ARL17B: variants seen among roughly 807,000 people sequenced by gnomAD.
ARL17B encodes ARF like GTPase 17B, also known as ADP-ribosylation factor-like protein 17.
intron 4 of ARL17B, among the ~76,000 whole-genome samples, chr17:46,276,782 CT>C (rs1179503164): frequency 4.8e-5 from 7 of 145,734 alleles, no homozygotes; most frequent in South Asian, 2.2e-4. Flanking sequence ...TAATTTTTTT[CT>C]TTTTTTCTTT....
chr17:46,291,804 A>G (rs1270303654), intron 4 of ARL17B, among the ~76,000 whole-genome samples: 3 of 151,754 alleles, frequency 2.0e-5, no homozygotes, highest in Non-Finnish European at 4.4e-5. Context: ...AAACACCCCA[A>G]AATTAGCCAG....
At chr17:46,280,289 G>C (rs75811253) in intron 4 of ARL17B, among the ~76,000 whole-genome samples, 16,681 of 149,090 alleles carry the variant, frequency 0.11, no homozygotes, top group Non-Finnish European at 0.17. Flanking sequence ...GCTTGAACGC[G>C]GGAAGCGGAG....
chr17:46,307,920 G>A (rs2050623415), intron 3 of ARL17B, among the ~76,000 whole-genome samples: 1 of 76,218 alleles, frequency 1.3e-5, no homozygotes, highest in African/African-American at 3.3e-5. Flanking sequence ...GCTGAGGCAG[G>A]AGAATCACTT....
At chr17:46,291,422 G>C (rs552278626) in intron 4 of ARL17B, among the ~76,000 whole-genome samples, 11 of 152,236 alleles carry the variant, frequency 7.2e-5, no homozygotes, top group Admixed American at 5.9e-4. Context: ...GAAGGAGGAA[G>C]TGGTGGCTGA....
intron 4 of ARL17B, among the ~76,000 whole-genome samples, chr17:46,276,550 T>C (rs1261093865): frequency 3.3e-5 from 5 of 152,168 alleles, no homozygotes; most frequent in Non-Finnish European, 7.3e-5. Context: ...ATGGTATAAA[T>C]GATGAATTAT....
In ARL17B at chr17:46,324,509, CTTT is replaced by C. The variant is rs990642430; in HGVS notation, c.260-24847_260-24845del. The stretch of plus-strand genomic sequence containing the variant: ...GAGTCAATTTGCATATGTGATGTAT[CTTT>C]TTTATTTTTTATTTTTTTGTAGAAA... On this transcript the variant is annotated intron_variant, in intron 3 of 4. Coordinates refer to the ARL17B transcript ENST00000434041. 2.7e-5 allele frequency among the ~76,000 whole-genome samples: 2 copies of C among 75,208 alleles called. 1 individual carries two copies. The highest frequency in any genetic ancestry group is 7.9e-5 in the Non-Finnish European group (2 of 25,300). The allele number at this position is 75,208 out of a possible 152,430, so 49.3% of individuals were successfully genotyped here. A position where few individuals can be genotyped will look rare whatever the true frequency, so the allele number is the denominator to read the frequency against.
At chr17:46,289,366 G>T (rs1318230704) in intron 4 of ARL17B, among the ~76,000 whole-genome samples, 1 of 129,458 alleles carries the variant, frequency 7.7e-6, no homozygotes, top group Non-Finnish European at 1.9e-5. Context: ...TAGAGATGGA[G>T]TCTTGCTGTG....
intron 4 of ARL17B, among the ~76,000 whole-genome samples, chr17:46,291,734 G>C (rs575865023): frequency 6.6e-6 from 1 of 151,860 alleles, no homozygotes; most frequent in Non-Finnish European, 1.5e-5. Flanking sequence ...AGACCAGCCT[G>C]GGCAACATGG....
At chr17:46,275,427 T>C in intron 4 of ARL17B, 2 of 941,010 alleles carry the variant, frequency 2.1e-6, no homozygotes, top group Non-Finnish European at 3.2e-6. Flanking sequence ...ACCTACAGAG[T>C]ATAGAAAAAG....
intron 4 of ARL17B, among the ~76,000 whole-genome samples, chr17:46,284,229 A>C (rs1329578235): frequency 1.6e-4 from 25 of 152,216 alleles, no homozygotes; most frequent in African/African-American, 6.0e-4. Flanking sequence ...AGACTATCAC[A>C]TGGGGAGAAA....
In ARL17B at chr17:46,335,577, TGAA is replaced by T. The variant is rs1476621944; in HGVS notation, c.*3920_*3922del. The T allele has an allele frequency of 2.2e-5, 4 of 183,258 alleles. 1 individual carries two copies. The highest frequency in any genetic ancestry group is 7.2e-5 in the African/African-American group (4 of 55,728). The allele number at this position is 183,258 out of a possible 1,614,324, so 11.4% of individuals were successfully genotyped here. ...GTCACCGAAGGTCATTACAAGAAGATGAAGAAGGATTCTCAAGGTAAATATTAG... is the reference window on the plus strand; with the variant it reads ...GTCACCGAAGGTCATTACAAGAAGATGAAGGATTCTCAAGGTAAATATTAG... On this transcript the variant is annotated 3_prime_UTR_variant, in exon 4 of 4. Transcript: ENST00000450673.
At chr17:46,289,532 G>T (rs1462583879) in intron 4 of ARL17B, among the ~76,000 whole-genome samples, 1 of 152,116 alleles carries the variant, frequency 6.6e-6, no homozygotes, top group East Asian at 1.9e-4. Context: ...TAGAGATAGG[G>T]TTTCACCATG....
chr17:46,354,630 C>CAA (rs2052847154), intron 2 of ARL17B, among the ~76,000 whole-genome samples: 1 of 110,596 alleles, frequency 9.0e-6, no homozygotes, highest in Non-Finnish European at 1.8e-5. Flanking sequence ...ATAATCGCCC[C>CAA]AAAAAATAAA....
chr17:46,288,943 G>A (rs2049993492), intron 4 of ARL17B, among the ~76,000 whole-genome samples: 1 of 152,134 alleles, frequency 6.6e-6, no homozygotes, highest in Non-Finnish European at 1.5e-5. Context: ...GACCTCAGGT[G>A]ACCCATCTCA....
At chr17:46,280,501 C>A (rs2049732636) in intron 4 of ARL17B, among the ~76,000 whole-genome samples, 1 of 152,014 alleles carries the variant, frequency 6.6e-6, no homozygotes, top group Non-Finnish European at 1.5e-5. Context: ...ATAGCAAGAC[C>A]CTGTCCCTAA....
At chr17:46,326,750 CATT>C (rs1162815272) in intron 3 of ARL17B, among the ~76,000 whole-genome samples, 1 of 28,780 alleles carries the variant, frequency 3.5e-5, no homozygotes, top group Non-Finnish European at 7.9e-5. Context: ...CCCAAATTCA[CATT>C]ATTAGCAGAG....
At chr17:46,287,748 G>T (rs76415878) in intron 4 of ARL17B, among the ~76,000 whole-genome samples, 2 of 151,950 alleles carry the variant, frequency 1.3e-5, no homozygotes, top group African/African-American at 4.8e-5. Flanking sequence ...GTATGGGGAA[G>T]GATGCAAAGA....
intron 4 of ARL17B, among the ~76,000 whole-genome samples, chr17:46,289,266 T>G (rs1402826224): frequency 6.6e-6 from 1 of 152,202 alleles, no homozygotes; most frequent in Non-Finnish European, 1.5e-5. Flanking sequence ...TGCTATAGCC[T>G]TGACCTGCCA....
intron 4 of ARL17B, among the ~76,000 whole-genome samples, chr17:46,291,268 A>G (rs1243538971): frequency 6.6e-6 from 1 of 152,246 alleles, no homozygotes; most frequent in Admixed American, 6.5e-5. Flanking sequence ...CTCTCCCTTC[A>G]AGAACATACA....
Sources: allele counts gnomAD v4.1 joint callset (sites outside exome capture counted in the v4.1 genomes callset), GRCh38; gene constraint gnomAD v4.1.1; transcripts MANE v1.5; gene names NCBI Gene and HGNC (gene_info 2026-07-23, HGNC 2026-07-21).